Variants in RUNX3 observed in about 807,000 individuals in gnomAD.
The protein encoded by RUNX3 is runt-related transcription factor 3.
A neutral mutation model predicts 27.7 loss-of-function variants in RUNX3; 10 were observed. The ratio of observed to expected loss-of-function variants is 0.36; its 90% confidence interval spans 0.22 to 0.61. The LOEUF is 0.61. Ranked by LOEUF, RUNX3 falls within the 20% of genes least tolerant of loss-of-function variation. The pLI, the probability that RUNX3 is intolerant of heterozygous loss-of-function variation, is 0.72. For missense variants in RUNX3, 469 were observed against 629.5 expected, an observed-to-expected ratio of 0.75 and a Z score of 2.73; for synonymous variants, 270 against 269.2, an observed-to-expected ratio of 1.00 and a Z score of -0.03.
rs1459416077 is a variant in RUNX3 at position 24,902,620 on chromosome 1, G to A, written c.750C>T (p.Arg250=). The A allele has an allele frequency of 6.5e-7, 1 of 1,535,066 alleles. No individual in the cohort carries two copies. The highest frequency in any genetic ancestry group is 1.4e-5 in the African/African-American group (1 of 72,672). ...NPFSDPRQFD[R]SFPTLPTLTE... ...TGAGGGTTGGCAGCGTGGGGAAGGA[G>A]CGGTCAAACTGGCGGGGGTCGGAGA... Residue 250 remains arginine, a synonymous_variant, in exon 5 of 5, where the codon CGC becomes CGT. Transcript: ENST00000308873. This position sits in a 1 kb window ranked among gnomAD's most constrained non-coding sequence, Gnocchi z 9.2.
At position 24,902,686 on chromosome 1, in the gene RUNX3, A is replaced by C. The variant is rs1334264392; in HGVS notation, c.704-20T>G. The C allele has an allele frequency of 6.6e-7, 1 of 1,505,612 alleles. No individual in the cohort carries two copies. The highest frequency in any genetic ancestry group is 2.3e-5 in the East Asian group (1 of 43,636). 93.3% of individuals were successfully genotyped at this position (1,505,612 alleles called of 1,614,324 possible). On this transcript the variant is annotated intron_variant, in intron 4 of 4. Transcript: ENST00000308873. The surrounding 1 kb of genome is among the most constrained non-coding windows in gnomAD (Gnocchi z 9.2). Reference sequence around the variant, plus strand: ...AGGTGCCTGGAGGACAGCAGGGAAGAGGTCAGTTCCAGCTCGAGACAACCC... The same window carrying C: ...AGGTGCCTGGAGGACAGCAGGGAAGCGGTCAGTTCCAGCTCGAGACAACCC...
chr1:24,931,159 A>G (rs1438045023), upstream of RUNX3, among the ~76,000 whole-genome samples: 1 of 152,238 alleles, frequency 6.6e-6, no homozygotes, highest in East Asian at 1.9e-4. Context: ...GAAAAACAGC[A>G]GTGGCTGCAA....
intron 2 of RUNX3, among the ~76,000 whole-genome samples, chr1:24,924,561 C>T (rs1166033129): frequency 1.3e-5 from 2 of 152,082 alleles, no homozygotes; most frequent in Admixed American, 1.3e-4. Flanking sequence ...GCAGCAAGGC[C>T]AGGTTCAGAT....
chr1:24,948,600 T>G (rs1641674096), intron 2 of RUNX3, among the ~76,000 whole-genome samples: 1 of 123,836 alleles, frequency 8.1e-6, no homozygotes, highest in African/African-American at 3.2e-5. Flanking sequence ...GGGGTGCATG[T>G]GGAGGAGGGG....
At chr1:24,946,895 T>C (rs1393645344) in intron 2 of RUNX3, among the ~76,000 whole-genome samples, 1 of 152,162 alleles carries the variant, frequency 6.6e-6, no homozygotes, top group South Asian at 2.1e-4. Context: ...ACTGATTCCA[T>C]CCAACGCTGA....
Position 24,904,638 on chromosome 1 carries a change from C to A in RUNX3, c.704-1972G>T, listed in dbSNP as rs573298682. The stretch of plus-strand genomic sequence containing the variant: ...GGCCGCCTGATGGGAACCCCATTCT[C>A]AAGACGAAGGAAACAAATGGGGACC... On this transcript the variant is annotated intron_variant, in intron 4 of 4. Transcript: ENST00000308873. This position sits in a 1 kb window ranked among gnomAD's most constrained non-coding sequence, Gnocchi z 5.7. Among the ~76,000 whole-genome samples the A allele has an allele frequency of 6.6e-5, 10 of 152,248 alleles. No individual in the cohort carries two copies. Among genetic ancestry groups the A allele is most frequent in the Non-Finnish European group, 1.3e-4 (9 of 68,002 alleles).
chr1:24,964,451 A>G, intron 2 of RUNX3: 1 of 1,377,776 alleles, frequency 7.3e-7, no homozygotes, highest in Non-Finnish European at 1.0e-6. Context: ...CGGTCAGTGG[A>G]GGGACGTGGT....
Position 24,901,990 on chromosome 1 carries a change from G to A in RUNX3, c.*132C>T, listed in dbSNP as rs1640561913. 1 of 835,266 alleles carries A rather than the reference G, an allele frequency of 1.2e-6. No homozygotes were observed. Among genetic ancestry groups the A allele is most frequent in the Non-Finnish European group, 1.8e-6 (1 of 552,622 alleles). The allele number at this position is 835,266 out of a possible 1,614,324, so 51.7% of individuals were successfully genotyped here. A position where few individuals can be genotyped will look rare whatever the true frequency, so the allele number is the denominator to read the frequency against. On this transcript the variant is annotated 3_prime_UTR_variant, in exon 5 of 5. Coordinates refer to ENST00000308873, the MANE Select transcript of RUNX3 (RefSeq NM_004350.3). ...ATGCAGCCAGAGGCTCCCACCAGCT[G>A]GGACCACCCTGGGACCGAGACCACC... is the stretch of plus-strand genomic sequence containing the variant.
intron 2 of RUNX3, chr1:24,961,593 A>T (rs1251412487): frequency 6.6e-6 from 1 of 152,204 alleles, no homozygotes; most frequent in Non-Finnish European, 1.5e-5. Context: ...CTTCCCTGGC[A>T]GCAGTCCCCA....
rs1222341655 is a variant in RUNX3, at chr1:24,900,256, G to A, written c.*1866C>T. On this transcript the variant is annotated 3_prime_UTR_variant, in exon 5 of 5. Coordinates refer to ENST00000308873, the MANE Select transcript of RUNX3 (RefSeq NM_004350.3). ...GGACAGGCCAAGAGAAACCGCAGCA[G>A]GAGGGAATGGAATAGGATCACCAGA... is the stretch of plus-strand genomic sequence containing the variant. 2.6e-5 allele frequency: 4 copies of A among 152,368 alleles called. No individual in the cohort carries two copies. Among genetic ancestry groups the A allele is most frequent in the Non-Finnish European group, 5.9e-5 (4 of 68,094 alleles). The allele number at this position is 152,368 out of a possible 1,614,324, so 9.4% of individuals were successfully genotyped here.
At chr1:24,905,179 C>T (rs540514979) in intron 4 of RUNX3, among the ~76,000 whole-genome samples, 2 of 152,200 alleles carry the variant, frequency 1.3e-5, no homozygotes, top group South Asian at 2.1e-4. Flanking sequence ...GGAGGGAGTC[C>T]GAGGGCAGAG....
intron 2 of RUNX3, among the ~76,000 whole-genome samples, chr1:24,949,179 T>G (rs1641693204): frequency 6.6e-6 from 1 of 152,038 alleles, no homozygotes; most frequent in Non-Finnish European, 1.5e-5. Context: ...CAGGTTTGTC[T>G]TAGTGAATTC....
At chr1:24,955,275 G>T (rs559205613) in intron 2 of RUNX3, among the ~76,000 whole-genome samples, 173 of 152,310 alleles carry the variant, frequency 1.1e-3, no homozygotes, top group Admixed American at 2.4e-3. Flanking sequence ...CTCCATGGAG[G>T]TGGTGCCCTC....
upstream of RUNX3, among the ~76,000 whole-genome samples, chr1:24,930,591 C>T (rs2124311215): frequency 6.6e-6 from 1 of 152,250 alleles, no homozygotes; most frequent in South Asian, 2.1e-4. The surrounding 1 kb of genome is among the most constrained non-coding windows in gnomAD (Gnocchi z 4.1). Flanking sequence ...TCGTAGCTCC[C>T]TGACGCTGGG....
intron 2 of RUNX3, among the ~76,000 whole-genome samples, chr1:24,958,161 T>A (rs1368693690): frequency 3.3e-5 from 5 of 152,172 alleles, no homozygotes; most frequent in Non-Finnish European, 7.4e-5. Context: ...AGGTGCCACA[T>A]GCGGGGCTCA....
rs1369104775 is a variant in RUNX3 at position 24,923,202 on chromosome 1, G to GT, written c.440-3859dup. ...GCCGCTTCCACCAGCTTCCACGCCT[G>GT]TCACCACCCCTCCCAGGTACAAAGG... On this transcript the variant is annotated intron_variant, in intron 2 of 4. Transcript: ENST00000308873. The surrounding 1 kb of genome is among the most constrained non-coding windows in gnomAD (Gnocchi z 5.9). Among the ~76,000 whole-genome samples the GT allele has an allele frequency of 6.6e-6, 1 of 152,140 alleles. No homozygotes were observed. The highest frequency in any genetic ancestry group is 1.5e-5 in the Non-Finnish European group (1 of 68,022).
intron 2 of RUNX3, among the ~76,000 whole-genome samples, chr1:24,920,228 T>C (rs550996363): frequency 7.6e-4 from 115 of 151,710 alleles, no homozygotes; most frequent in African/African-American, 2.7e-3. Flanking sequence ...TTTTTTTTTT[T>C]ACCATTTAAA....
At chr1:24,907,135 T>C in intron 4 of RUNX3, 124 bp downstream of exon 4, 1 of 993,470 alleles carries the variant, frequency 1.0e-6, no homozygotes, top group South Asian at 1.7e-5. Context: ...CAGCAGCTCC[T>C]CTACAAAACA....
chr1:24,962,842 G>C lies in RUNX3; in HGVS notation c.58+1672C>G, dbSNP rs539848810. 3 of 152,384 alleles carry C rather than the reference G, an allele frequency of 2.0e-5. No homozygotes were observed. Among genetic ancestry groups the C allele is most frequent in the South Asian group, 4.1e-4 (2 of 4,822 alleles). 9.4% of individuals were successfully genotyped at this position (152,384 alleles called of 1,614,324 possible). A position where few individuals can be genotyped will look rare whatever the true frequency, so the allele number is the denominator to read the frequency against. The stretch of plus-strand genomic sequence containing the variant: ...GATCAGGACCCAGCCCAGGCCGACC[G>C]GGGCTCTAGCCCTGTCTCCCAAGGT... On this transcript the variant is annotated intron_variant, in intron 2 of 6. Transcript: ENST00000338888. This position sits in a 1 kb window ranked among gnomAD's most constrained non-coding sequence, Gnocchi z 4.5.
Sources: allele counts gnomAD v4.1 joint callset (sites outside exome capture counted in the v4.1 genomes callset), GRCh38; gene constraint gnomAD v4.1.1; non-coding constraint Gnocchi (gnomAD v3.1); transcripts MANE v1.5; gene names NCBI Gene and HGNC (gene_info 2026-07-23, HGNC 2026-07-21).